The following ZNF703 variants were observed in gnomAD, a reference collection of about 807,000 sequenced individuals.
ZNF703 encodes the protein NocA-like zinc finger 1.
ZNF703 carries 18 observed loss-of-function variants against 30.7 expected under a neutral mutation model. The ratio of observed to expected loss-of-function variants is 0.59; its 90% CI spans 0.40 to 0.87. The LOEUF is 0.87. ZNF703 is among the 40% of genes least tolerant of loss of function. ZNF703 has a pLI of 0.00. For synonymous variants in ZNF703, 457 were observed against 438.6 expected (o/e 1.04, Z -0.52); for missense variants, 814 against 847.8 (o/e 0.96, Z 0.50).
In ZNF703 at chr8:37,696,597, G is replaced by T. The variant is rs998345621; in HGVS notation, c.243+375G>T. Among the ~76,000 whole-genome samples, 1 of 152,098 alleles carries T rather than the reference G, an allele frequency of 6.6e-6. No homozygotes were observed. The highest frequency in any genetic ancestry group is 2.4e-5 in the African/African-American group (1 of 41,426). ...TTTTCTTTGAAGCCCTGGCTGCCCG[G>T]GTCCCACTTCGCCTCTGTCCCATCC... is the stretch of plus-strand genomic sequence containing the variant. On this transcript the variant is annotated intron_variant, in intron 1 of 1. Transcript: ENST00000331569. The surrounding 1 kb of genome is among the most constrained non-coding windows in gnomAD (Gnocchi z 8.2).
In ZNF703 at chr8:37,695,991, G is replaced by A. The variant is rs979510143; in HGVS notation, c.12G>A (p.Ser4=). Reference sequence around the variant, plus strand: ...GCTGCCTCCTCCAAATGAGCGATTCGCCCGCTGGATCTAACCCAAGGACAC... The same window carrying A: ...GCTGCCTCCTCCAAATGAGCGATTCACCCGCTGGATCTAACCCAAGGACAC... MSD[S]PAGSNPRTPE... The change falls in exon 1 of 2, where the codon TCG becomes TCA. Residue 4 remains serine (S), a synonymous_variant. Coordinates refer to ENST00000331569, the MANE Select transcript of ZNF703 (RefSeq NM_025069.3). 2.0e-6 allele frequency: 3 copies of A among 1,522,752 alleles called. No homozygotes were observed. The highest frequency in any genetic ancestry group is 1.4e-5 in the African/African-American group (1 of 70,668). 94.3% of individuals were successfully genotyped at this position (1,522,752 alleles called of 1,614,324 possible).
chr8:37,698,110 C>A lies in ZNF703; in HGVS notation c.1209C>A (p.Asp403Glu). 1 of 1,485,230 alleles carries A rather than the reference C, an allele frequency of 6.7e-7. No homozygotes were observed. The highest frequency in any genetic ancestry group is 9.0e-7 in the Non-Finnish European group (1 of 1,105,558). The allele number at this position is 1,485,230 out of a possible 1,614,324, so 92.0% of individuals were successfully genotyped here. A position where few individuals can be genotyped will look rare whatever the true frequency, so the allele number is the denominator to read the frequency against. ...GSSCSTCSAH[D>E]PAGPSLKAGG... ...GCTGCTCCACCTGCAGCGCGCACGACCCTGCCGGGCCCAGCCTGAAGGCGG... is the reference window on the plus strand; with the variant it reads ...GCTGCTCCACCTGCAGCGCGCACGAACCTGCCGGGCCCAGCCTGAAGGCGG... Residue 403 changes from aspartate to glutamate, a missense_variant, in exon 2 of 2, where the codon GAC becomes GAA. Asp to Glu is a conservative substitution (Grantham distance 45). Coordinates refer to ENST00000331569, the MANE Select transcript of ZNF703 (RefSeq NM_025069.3).
Position 37,698,227 on chromosome 8 carries a change from C to G in ZNF703, c.1326C>G (p.Leu442=), listed in dbSNP as rs973996589. Residue 442 remains leucine, a synonymous_variant, in exon 2 of 2, where the codon CTC becomes CTG. Coordinates refer to ENST00000331569, the MANE Select transcript of ZNF703 (RefSeq NM_025069.3). The part of the protein sequence containing the change: ...AAQAALPGHP[L]YTYGFMLQNE... ...AGGCCGCGCTCCCCGGCCACCCGCT[C>G]TACACCTACGGCTTCATGCTGCAGA... 4 of 1,537,186 alleles carry G rather than the reference C, an allele frequency of 2.6e-6. No homozygotes were observed. Among genetic ancestry groups the G allele is most frequent in the Admixed American group, 1.9e-5 (1 of 51,342 alleles).
chr8:37,698,205 C>T lies in ZNF703; in HGVS notation c.1304C>T (p.Ala435Val), dbSNP rs983573851. The T allele has an allele frequency of 6.9e-5, 105 of 1,516,136 alleles. No homozygotes were observed. Among genetic ancestry groups the T allele is most frequent in the Non-Finnish European group, 8.3e-5 (95 of 1,138,328 alleles). The allele number at this position is 1,516,136 out of a possible 1,614,324, so 93.9% of individuals were successfully genotyped here. A position where few individuals can be genotyped will look rare whatever the true frequency, so the allele number is the denominator to read the frequency against. Reference sequence around the variant, plus strand: ...GCGCTCTCGTCCAGCGCCGCCCAGGCCGCGCTCCCCGGCCACCCGCTCTAC... The same window carrying T: ...GCGCTCTCGTCCAGCGCCGCCCAGGTCGCGCTCCCCGGCCACCCGCTCTAC... ...PAALSSSAAQ[A>V]ALPGHPLYTY... Residue 435 changes from alanine to valine, a missense_variant, in exon 2 of 2, where the codon GCC becomes GTC. Transcript: ENST00000331569.
chr8:37,697,069 C>T (rs1161703730), intron 1 of ZNF703, 76 bp from the exon 2 acceptor site: 6 of 1,405,234 alleles, frequency 4.3e-6, no homozygotes, highest in Non-Finnish European at 5.5e-6. Context: ...CCGCCCAGCT[C>T]CCCGGGCGCC....
chr8:37,697,944 G>C lies in ZNF703; in HGVS notation c.1043G>C (p.Gly348Ala). Residue 348 changes from glycine (G) to alanine (A), a missense_variant, in exon 2 of 2, where the codon GGG (glycine) becomes GCG (alanine). Gly to Ala is a moderately conservative substitution (Grantham distance 60). Transcript: ENST00000331569. ...GGCCTCGTGGGAGGCCAGCTGTCTG[G>C]GGGCCTGGGCCTGCCGCCGGGCAAG... The part of the protein sequence containing the change: ...KSGLVGGQLS[G>A]GLGLPPGKPP... 1 of 1,554,676 alleles carries C rather than the reference G, an allele frequency of 6.4e-7. No individual in the cohort carries two copies. The highest frequency in any genetic ancestry group is 8.6e-7 in the Non-Finnish European group (1 of 1,156,712).
In ZNF703 at chr8:37,696,765, AC is replaced by A. The variant is rs373084454; in HGVS notation, c.244-376del. ...TTTAGAATCCGCGCTCCCCTCTCCT[AC>A]CCCGCGGCGCCATCGCCAGAAACCC... On this transcript the variant is annotated intron_variant, in intron 1 of 1. Transcript: ENST00000331569. This position sits in a 1 kb window ranked among gnomAD's most constrained non-coding sequence, Gnocchi z 8.2. Among the ~76,000 whole-genome samples the A allele has an allele frequency of 1.0e-3, 152 of 151,940 alleles. 1 individual carries two copies. Among genetic ancestry groups the A allele is most frequent in the African/African-American group, 3.6e-3 (149 of 41,428 alleles).
Position 37,695,865 on chromosome 8 carries a change from G to A in ZNF703, c.-115G>A. The stretch of plus-strand genomic sequence containing the variant: ...GGAGGAGGGGAGGCGGCGAGGAGGC[G>A]CAGCTCCCGCTGCACCGCGATCGAC... On this transcript the variant is annotated 5_prime_UTR_variant, in exon 1 of 2. Transcript: ENST00000331569. 7 of 1,011,592 alleles carry A rather than the reference G, an allele frequency of 6.9e-6. No homozygotes were observed. The highest frequency in any genetic ancestry group is 3.3e-5 in the East Asian group (1 of 30,484). 62.7% of individuals were successfully genotyped at this position (1,011,592 alleles called of 1,614,324 possible). A position where few individuals can be genotyped will look rare whatever the true frequency, so the allele number is the denominator to read the frequency against.
At position 37,697,143 on chromosome 8, in the gene ZNF703, A is replaced by T; in HGVS notation, c.244-2A>T. 1 of 1,557,562 alleles carries T rather than the reference A, an allele frequency of 6.4e-7. No homozygotes were observed. Among genetic ancestry groups the T allele is most frequent in the Admixed American group, 1.9e-5 (1 of 52,174 alleles). On this transcript the variant is annotated splice_acceptor_variant, in intron 1 of 1. Coordinates refer to ENST00000331569, the MANE Select transcript of ZNF703 (RefSeq NM_025069.3). LOFTEE classifies it high-confidence loss of function. ...CCCTCCCCCTGCTTCTGTCTCCCAC[A>T]GCTGGACGCCAAGAAGAGCCCCTTG...
At position 37,697,371 on chromosome 8, in the gene ZNF703, A is replaced by T; in HGVS notation, c.470A>T (p.Tyr157Phe). ...PAEDKSSFKP[Y>F]SKGSGGGDSR... ...GAGGACAAGTCCAGCTTCAAGCCCT[A>T]CTCCAAGGGCTCCGGCGGCGGCGAC... The change falls in exon 2 of 2, where the codon TAC (tyrosine) becomes TTC (phenylalanine). Residue 157 changes from tyrosine to phenylalanine, a missense_variant. Coordinates refer to ENST00000331569, the MANE Select transcript of ZNF703 (RefSeq NM_025069.3). 6.4e-7 allele frequency: 1 copy of T among 1,558,048 alleles called. No individual in the cohort carries two copies. The highest frequency in any genetic ancestry group is 8.7e-7 in the Non-Finnish European group (1 of 1,152,654).
chr8:37,697,749 C>T lies in ZNF703; in HGVS notation c.848C>T (p.Pro283Leu), dbSNP rs1167654481. Reference sequence around the variant, plus strand: ...GGGGCCTCCGGGCGCAAGTCCGAGCCGCCCTCGGCGCTGGTGGGGGCCGGC... The same window carrying T: ...GGGGCCTCCGGGCGCAAGTCCGAGCTGCCCTCGGCGCTGGTGGGGGCCGGC... ...ESGASGRKSE[P>L]PSALVGAGHV... is the part of the protein sequence containing the mutation. Residue 283 changes from proline (P) to leucine (L), a missense_variant, in exon 2 of 2, where the codon CCG (proline) becomes CTG (leucine). Pro to Leu is a moderately conservative substitution (Grantham distance 98). Transcript: ENST00000331569. The T allele has an allele frequency of 2.8e-6, 4 of 1,437,666 alleles. No individual in the cohort carries two copies. In the Admixed American group the frequency reaches 1.1e-4, roughly 39 times the overall value. 89.1% of individuals were successfully genotyped at this position (1,437,666 alleles called of 1,614,324 possible).
chr8:37,697,050 G>T (rs971407084), intron 1 of ZNF703, 95 bp from the exon 2 acceptor site: 61 of 1,345,552 alleles, frequency 4.5e-5, no homozygotes, highest in Middle Eastern at 4.9e-4. Context: ...GCCCCGCCCC[G>T]TGGCGCCGCC....
At position 37,698,742 on chromosome 8, in the gene ZNF703, C is replaced by G; in HGVS notation, c.*68C>G. 1.5e-6 allele frequency: 2 copies of G among 1,322,008 alleles called. No individual in the cohort carries two copies. Among genetic ancestry groups the G allele is most frequent in the Non-Finnish European group, 2.0e-6 (2 of 1,025,168 alleles). 81.9% of individuals were successfully genotyped at this position (1,322,008 alleles called of 1,614,324 possible). On this transcript the variant is annotated 3_prime_UTR_variant, in exon 2 of 2. Coordinates refer to ENST00000331569, the MANE Select transcript of ZNF703 (RefSeq NM_025069.3). ...CTCCCTCCTCCTCCCTCCCCACCTG[C>G]CGTCGCCGCTGCAACCTCCACTACT...
chr8:37,699,660 TCTCC>T lies in ZNF703; in HGVS notation c.*990_*993del, dbSNP rs1802137210. ...AAGTGCATTATAGTCCTTGTTTTTCTCTCCCTCGTGGGGGCAACGACCCCTCCCC... is the reference window on the plus strand; with the variant it reads ...AAGTGCATTATAGTCCTTGTTTTTCTCTCGTGGGGGCAACGACCCCTCCCC... On this transcript the variant is annotated 3_prime_UTR_variant, in exon 2 of 2. Transcript: ENST00000331569. 6.6e-6 allele frequency: 1 copy of T among 152,290 alleles called. No homozygotes were observed. The highest frequency in any genetic ancestry group is 1.5e-5 in the Non-Finnish European group (1 of 68,110). 9.4% of individuals were successfully genotyped at this position (152,290 alleles called of 1,614,324 possible). A position where few individuals can be genotyped will look rare whatever the true frequency, so the allele number is the denominator to read the frequency against.
Position 37,697,589 on chromosome 8 carries a change from G to A in ZNF703, c.688G>A (p.Asp230Asn). The change falls in exon 2 of 2, where the codon GAC becomes AAC. Residue 230 changes from aspartate to asparagine, a missense_variant. Transcript: ENST00000331569. ...GSRGGSPHHS[D>N]CKNGGGVGGG... ...CCGCGGCGGCTCCCCGCACCACTCT[G>A]ACTGCAAGAACGGCGGCGGGGTTGG... The A allele has an allele frequency of 7.0e-7, 1 of 1,437,936 alleles. No individual in the cohort carries two copies. Among genetic ancestry groups the A allele is most frequent in the Non-Finnish European group, 9.1e-7 (1 of 1,102,058 alleles). The allele number at this position is 1,437,936 out of a possible 1,614,324, so 89.1% of individuals were successfully genotyped here.
At position 37,697,479 on chromosome 8, in the gene ZNF703, G is replaced by T; in HGVS notation, c.578G>T (p.Arg193Met). 1 of 1,537,876 alleles carries T rather than the reference G, an allele frequency of 6.5e-7. No homozygotes were observed. ...TCCCCGGGAGACAAGGCGGGCTTCAGGGTCCCCAGCGCCGCCTGCCCGCCC... is the reference window on the plus strand; with the variant it reads ...TCCCCGGGAGACAAGGCGGGCTTCATGGTCCCCAGCGCCGCCTGCCCGCCC... ...SSSPGDKAGF[R>M]VPSAACPPFP... is the part of the protein sequence containing the mutation. Residue 193 changes from arginine to methionine, a missense_variant, in exon 2 of 2, where the codon AGG becomes ATG. By Grantham distance (91) the Arg-to-Met change is moderately conservative. Coordinates refer to ENST00000331569, the MANE Select transcript of ZNF703 (RefSeq NM_025069.3).
Position 37,698,796 on chromosome 8 carries a change from G to T in ZNF703, c.*122G>T. 9.9e-6 allele frequency: 8 copies of T among 809,556 alleles called. No individual in the cohort carries two copies. The highest frequency in any genetic ancestry group is 1.4e-5 in the Non-Finnish European group (8 of 585,658). The allele number at this position is 809,556 out of a possible 1,614,324, so 50.1% of individuals were successfully genotyped here. Reference sequence around the variant, plus strand: ...TGACCCTGCCGGGATTCCCCACCCAGCCCTTCCCCACCGGACTGTGTATTT... The same window carrying T: ...TGACCCTGCCGGGATTCCCCACCCATCCCTTCCCCACCGGACTGTGTATTT... On this transcript the variant is annotated 3_prime_UTR_variant, in exon 2 of 2. Coordinates refer to ENST00000331569, the MANE Select transcript of ZNF703 (RefSeq NM_025069.3).
In ZNF703 at chr8:37,698,545, T is replaced by C. The variant is rs201674646; in HGVS notation, c.1644T>C (p.Tyr548=). 8 of 1,573,534 alleles carry C rather than the reference T, an allele frequency of 5.1e-6. No homozygotes were observed. In the Admixed American group the frequency reaches 1.5e-4, roughly 29 times the overall value. Residue 548 remains tyrosine, a synonymous_variant, in exon 2 of 2, where the codon TAT becomes TAC. Transcript: ENST00000331569. The part of the protein sequence containing the change: ...HTLGLSRYHP[Y]GKSHLSTAGG... ...TGGGCCTAAGCCGGTACCACCCCTA[T>C]GGCAAGAGCCACTTATCCACAGCGG...
Position 37,696,651 on chromosome 8 carries a change from C to T in ZNF703, c.243+429C>T, listed in dbSNP as rs910159591. Among the ~76,000 whole-genome samples the T allele has an allele frequency of 2.0e-4, 30 of 152,246 alleles. No individual in the cohort carries two copies. The highest frequency in any genetic ancestry group is 5.1e-4 in the African/African-American group (21 of 41,560). On this transcript the variant is annotated intron_variant, in intron 1 of 1. Coordinates refer to ENST00000331569, the MANE Select transcript of ZNF703 (RefSeq NM_025069.3). The surrounding 1 kb of genome is among the most constrained non-coding windows in gnomAD (Gnocchi z 8.2). ...GAGGGCGCACGGCGCCCTGGCGCTC[C>T]CGATCCCGGATCTTTCTTCCTGCCT...
Sources: allele counts gnomAD v4.1 joint callset (sites outside exome capture counted in the v4.1 genomes callset), GRCh38; gene constraint gnomAD v4.1.1; non-coding constraint Gnocchi (gnomAD v3.1); transcripts MANE v1.5; gene names NCBI Gene and HGNC (gene_info 2026-07-23, HGNC 2026-07-21).